Variants in BICC1 observed in about 807,000 individuals in gnomAD.
BICC1 encodes the protein protein bicaudal C homolog 1.
BICC1 carries 43 observed loss-of-function variants against 111.0 expected under a neutral mutation model. The observed-to-expected ratio is 0.39, with a 90% CI of 0.30 to 0.50. The LOEUF (loss-of-function observed/expected upper bound fraction) is 0.50. BICC1 is among the 20% of genes least tolerant of loss of function. BICC1 has a pLI of 0.88. For missense variants in BICC1, 1,091 were observed against 1,203.2 expected, an observed-to-expected ratio of 0.91 and a Z score of 1.38; for synonymous variants, 467 against 434.4, an observed-to-expected ratio of 1.07 and a Z score of -0.93.
chr10:58,670,644 A>G (rs1839155772), intron 2 of BICC1, among the ~76,000 whole-genome samples: 1 of 152,186 alleles, frequency 6.6e-6, no homozygotes, highest in Non-Finnish European at 1.5e-5. Context: ...TACTGAAATA[A>G]AGACTTGTGG....
rs770084671 is a variant in BICC1, at chr10:58,789,776, T to C, written c.890T>C (p.Leu297Pro). Residue 297 changes from leucine to proline, a missense_variant, in exon 8 of 21, where the codon CTC (leucine) becomes CCC (proline). By Grantham distance (98) the Leu-to-Pro change is moderately conservative (BLOSUM62 -3). Transcript: ENST00000373886. ...TQLDIAAQHH[L>P]FMMGRNGSNI... The stretch of plus-strand genomic sequence containing the variant: ...CTAGATATTGCAGCTCAACATCATC[T>C]CTTTATGATGGGTCGAAATGGGAGC... 55 of 1,614,000 alleles carry C rather than the reference T, an allele frequency of 3.4e-5. No individual in the cohort carries two copies. Among genetic ancestry groups the C allele is most frequent in the Non-Finnish European group, 4.5e-5 (53 of 1,180,012 alleles).
chr10:58,731,652 C>G (rs528189746), intron 3 of BICC1, among the ~76,000 whole-genome samples: 2 of 152,182 alleles, frequency 1.3e-5, no homozygotes, highest in South Asian at 4.2e-4. Context: ...AGCTTGTACT[C>G]ATGGCGGAAG....
At chr10:58,550,926 T>C (rs1456656473) in intron 1 of BICC1, among the ~76,000 whole-genome samples, 3 of 152,202 alleles carry the variant, frequency 2.0e-5, no homozygotes, top group African/African-American at 4.8e-5. Flanking sequence ...TGGGTGTTTT[T>C]AAGATATTAG....
At chr10:58,814,024 C>A in intron 18 of BICC1, 38 bp downstream of exon 18, 1 of 1,610,090 alleles carries the variant, frequency 6.2e-7, no homozygotes. Flanking sequence ...TAGGTATCCC[C>A]AGATTAGAAT....
At chr10:58,577,852 T>C (rs1054899278) in intron 1 of BICC1, among the ~76,000 whole-genome samples, 1 of 152,262 alleles carries the variant, frequency 6.6e-6, no homozygotes, top group South Asian at 2.1e-4. Flanking sequence ...TATTTTATTC[T>C]AAGTCAAAGA....
intron 2 of BICC1, among the ~76,000 whole-genome samples, chr10:58,622,939 G>T (rs1211544152): frequency 6.6e-6 from 1 of 152,140 alleles, no homozygotes; most frequent in African/African-American, 2.4e-5. Flanking sequence ...GAAGGATCTA[G>T]GCTTGTGATT....
intron 1 of BICC1, among the ~76,000 whole-genome samples, chr10:58,533,154 A>C (rs1217801616): frequency 6.6e-6 from 1 of 151,914 alleles, no homozygotes; most frequent in Non-Finnish European, 1.5e-5. Context: ...AAGCTTCATC[A>C]GCGAGTTGTT....
intron 3 of BICC1, among the ~76,000 whole-genome samples, chr10:58,721,586 G>C (rs186334702): frequency 1.2e-4 from 18 of 152,278 alleles, no homozygotes; most frequent in Admixed American, 3.3e-4. Flanking sequence ...ATCTGCAAAA[G>C]TATTACAGTG....
intron 3 of BICC1, among the ~76,000 whole-genome samples, chr10:58,712,774 A>C (rs1313888645): frequency 2.6e-5 from 4 of 152,138 alleles, no homozygotes; most frequent in Non-Finnish European, 5.9e-5. Flanking sequence ...TACAATGGTG[A>C]CTATATGTCA....
chr10:58,674,814 G>A (rs1321523584), intron 2 of BICC1, among the ~76,000 whole-genome samples: 1 of 152,170 alleles, frequency 6.6e-6, no homozygotes, highest in Non-Finnish European at 1.5e-5. Context: ...GATTGGGTGA[G>A]GATAGGACAG....
At chr10:58,640,401 C>T (rs1299126525) in intron 2 of BICC1, among the ~76,000 whole-genome samples, 2 of 152,228 alleles carry the variant, frequency 1.3e-5, no homozygotes, top group African/African-American at 2.4e-5. Flanking sequence ...CTTATCCATA[C>T]TGAAGAAAGC....
intron 1 of BICC1, among the ~76,000 whole-genome samples, chr10:58,548,036 A>G (rs1198442222): frequency 1.3e-5 from 2 of 152,198 alleles, no homozygotes; most frequent in Non-Finnish European, 2.9e-5. Flanking sequence ...GAGCAAGGAA[A>G]TATGTTGTGT....
chr10:58,735,648 A>C (rs543846322), intron 3 of BICC1, among the ~76,000 whole-genome samples: 1 of 152,122 alleles, frequency 6.6e-6, no homozygotes, highest in East Asian at 1.9e-4. Context: ...CTTTTGGGAA[A>C]CTCTTCAACT....
At chr10:58,706,300 T>C (rs1343723922) in intron 3 of BICC1, among the ~76,000 whole-genome samples, 1 of 152,198 alleles carries the variant, frequency 6.6e-6, no homozygotes, top group Non-Finnish European at 1.5e-5. Flanking sequence ...CTTAACAAAT[T>C]TGATTGTTTT....
At chr10:58,601,140 T>A (rs201540107) in intron 1 of BICC1, among the ~76,000 whole-genome samples, 28,622 of 100,522 alleles carry the variant, frequency 0.28, 3,897 homozygotes, top group East Asian at 0.49. Context: ...ATTTTAAAAC[T>A]TATATATATA....
chr10:58,673,318 T>C (rs4948537), intron 2 of BICC1, among the ~76,000 whole-genome samples: 152,060 of 152,290 alleles, frequency 1, 75,915 homozygotes, highest in Middle Eastern at 1. Context: ...TGGCATCCTC[T>C]GGGAAGGAAT....
intron 1 of BICC1, among the ~76,000 whole-genome samples, chr10:58,567,881 A>G (rs543418722): frequency 6.6e-6 from 1 of 152,228 alleles, no homozygotes; most frequent in African/African-American, 2.4e-5. Context: ...TTACTTACCT[A>G]GGGACCTGTA....
At chr10:58,664,582 T>A (rs772636631) in intron 2 of BICC1, among the ~76,000 whole-genome samples, 8 of 152,162 alleles carry the variant, frequency 5.3e-5, no homozygotes, top group Non-Finnish European at 8.8e-5. Flanking sequence ...TTTCATTAGA[T>A]CCTTATATTA....
intron 2 of BICC1, among the ~76,000 whole-genome samples, chr10:58,689,858 G>T (rs1029648908): frequency 6.6e-5 from 10 of 152,168 alleles, no homozygotes; most frequent in African/African-American, 2.4e-4. Flanking sequence ...AGATGGGTAA[G>T]GTTTGGGTGG....
Sources: allele counts gnomAD v4.1 joint callset (sites outside exome capture counted in the v4.1 genomes callset), GRCh38; gene constraint gnomAD v4.1.1; transcripts MANE v1.5; gene names NCBI Gene and HGNC (gene_info 2026-07-23, HGNC 2026-07-21).